Variants in CALCR observed in about 807,000 individuals in gnomAD.
The protein encoded by CALCR is calcitonin receptor.
CALCR carries 47 observed loss-of-function variants against 59.5 expected under a neutral mutation model. That is an observed-to-expected ratio of 0.79 (90% CI 0.63 to 1.01). The LOEUF is 1.01. CALCR is among the 50% of genes least tolerant of loss of function. The probability of loss-of-function intolerance (pLI) is 0.00; values close to 1 mark genes in which losing one functional copy is unlikely to be tolerated. For synonymous variants in CALCR, 213 were observed against 211.3 expected, an observed-to-expected ratio of 1.01 and a Z score of -0.07; for missense variants, 566 against 597.1, an observed-to-expected ratio of 0.95 and a Z score of 0.54.
chr7:93,528,017 G>T (rs917055820), intron 2 of CALCR, among the ~76,000 whole-genome samples: 1 of 152,150 alleles, frequency 6.6e-6, no homozygotes, highest in African/African-American at 2.4e-5. Flanking sequence ...CAGAATATAA[G>T]ATATCATTAT....
chr7:93,442,114 G>A (rs993919975), intron 9 of CALCR, among the ~76,000 whole-genome samples: 6 of 151,306 alleles, frequency 4.0e-5, no homozygotes, highest in Admixed American at 6.6e-5. Flanking sequence ...AAACAGATAT[G>A]CAAGGAAAAA....
rs192512130 is a variant in CALCR at position 93,522,042 on chromosome 7, C to T, written c.-26-35035G>A. 4.6e-3 allele frequency among the ~76,000 whole-genome samples: 698 copies of T among 152,150 alleles called. 2 individuals are homozygous for T. The highest frequency in any genetic ancestry group is 7.1e-3 in the Non-Finnish European group (486 of 67,984). ...TTGAACAATAGTTCAAAGATAACTT[C>T]CATAATTATAAGTATGTAAATGAAA... On this transcript the variant is annotated intron_variant, in intron 2 of 13. Coordinates refer to ENST00000426151, the MANE Select transcript of CALCR (RefSeq NM_001742.4).
Position 93,434,294 on chromosome 7 carries a change from C to T in CALCR, c.1150G>A (p.Gly384Ser). The T allele has an allele frequency of 6.2e-7, 1 of 1,607,442 alleles. No homozygotes were observed. ...CAGTAGATGGTCGCAACAAAGAAGCCCTAAAAAGGGAAGGAAAAATACAGT... is the reference window on the plus strand; with the variant it reads ...CAGTAGATGGTCGCAACAAAGAAGCTCTAAAAAGGGAAGGAAAAATACAGT... ...YVMHSLIHFQ[G>S]FFVATIYCFC... is the part of the protein sequence containing the mutation. Residue 384 changes from glycine to serine, a missense_variant and splice_region_variant, in exon 13 of 14, where the codon GGC (glycine) becomes AGC (serine). Coordinates refer to ENST00000426151, the MANE Select transcript of CALCR (RefSeq NM_001742.4).
At chr7:93,486,332 A>G (rs1029540175) in intron 3 of CALCR, among the ~76,000 whole-genome samples, 1 of 151,660 alleles carries the variant, frequency 6.6e-6, no homozygotes, top group Non-Finnish European at 1.5e-5. Flanking sequence ...TACTTGCTAA[A>G]TCTTTTAGGA....
intron 2 of CALCR, among the ~76,000 whole-genome samples, chr7:93,510,200 A>G (rs888228210): frequency 1.3e-5 from 2 of 152,166 alleles, no homozygotes; most frequent in Admixed American, 1.3e-4. Context: ...TAAAACTATG[A>G]CTTCTCCTAA....
At chr7:93,454,006 T>C (rs897335080) in intron 8 of CALCR, among the ~76,000 whole-genome samples, 7 of 152,066 alleles carry the variant, frequency 4.6e-5, no homozygotes, top group Non-Finnish European at 1.0e-4. Flanking sequence ...GTCCTTCAAA[T>C]GCATCATACA....
chr7:93,448,924 A>G (rs1021112994), intron 8 of CALCR, among the ~76,000 whole-genome samples: 2 of 152,014 alleles, frequency 1.3e-5, no homozygotes, highest in Non-Finnish European at 2.9e-5. Flanking sequence ...CCTGAAGAGT[A>G]TCTTCTCTGT....
chr7:93,452,226 G>C (rs960185800), intron 8 of CALCR, among the ~76,000 whole-genome samples: 1 of 151,988 alleles, frequency 6.6e-6, no homozygotes, highest in Admixed American at 6.6e-5. Flanking sequence ...TTCAGAGAGA[G>C]TCTCCTCAGT....
chr7:93,540,606 T>A (rs983078260), intron 2 of CALCR, among the ~76,000 whole-genome samples: 2 of 151,622 alleles, frequency 1.3e-5, no homozygotes, highest in African/African-American at 4.8e-5. Flanking sequence ...TCCTTTTAAA[T>A]AATTTGTATT....
At chr7:93,433,407 G>A (rs1325550979) in intron 13 of CALCR, among the ~76,000 whole-genome samples, 2 of 152,172 alleles carry the variant, frequency 1.3e-5, no homozygotes, top group Non-Finnish European at 2.9e-5. Context: ...CATAGCTCCA[G>A]GAAGGAATTA....
intron 7 of CALCR, among the ~76,000 whole-genome samples, chr7:93,467,879 G>A (rs1449973565): frequency 6.6e-6 from 1 of 151,154 alleles, no homozygotes; most frequent in Admixed American, 6.6e-5. Flanking sequence ...CACCTTACAT[G>A]TATTATTTCA....
intron 2 of CALCR, among the ~76,000 whole-genome samples, chr7:93,524,472 GT>G (rs1221701826): frequency 6.6e-6 from 1 of 151,862 alleles, no homozygotes; most frequent in Non-Finnish European, 1.5e-5. Flanking sequence ...GCCCAGCCTG[GT>G]TTTTTTAAAA....
intron 2 of CALCR, among the ~76,000 whole-genome samples, chr7:93,494,162 C>A (rs1801146489): frequency 6.6e-6 from 1 of 151,314 alleles, no homozygotes; most frequent in African/African-American, 2.4e-5. Context: ...GGCGAGAAAC[C>A]AGCTTCTTTA....
chr7:93,436,317 C>G, intron 11 of CALCR, 147 bp from the exon 12 acceptor site: 1 of 655,804 alleles, frequency 1.5e-6, no homozygotes, highest in Non-Finnish European at 2.6e-6. Flanking sequence ...GCACAATTGG[C>G]TCAGCATTTC....
chr7:93,518,864 T>C (rs534224837), intron 2 of CALCR, among the ~76,000 whole-genome samples: 38 of 150,682 alleles, frequency 2.5e-4, no homozygotes, highest in African/African-American at 8.2e-4. Flanking sequence ...TAAACATACA[T>C]TTACATTTAC....
intron 3 of CALCR, among the ~76,000 whole-genome samples, chr7:93,480,414 C>G (rs887981627): frequency 2.0e-5 from 3 of 151,768 alleles, no homozygotes; most frequent in Admixed American, 2.0e-4. Context: ...CTAAAAACAT[C>G]AGCCTGCACT....
In CALCR at chr7:93,426,270, TGGGA is replaced by T; in HGVS notation, c.*82_*85del. On this transcript the variant is annotated 3_prime_UTR_variant, in exon 14 of 14. Transcript: ENST00000426151. ...CTTCACAAATGATATGTTCGGTTCCTGGGAGGATGGAGAATACTTTAAATGCATG... is the reference window on the plus strand; with the variant it reads ...CTTCACAAATGATATGTTCGGTTCCTGGATGGAGAATACTTTAAATGCATG... The T allele has an allele frequency of 1.3e-6, 1 of 778,912 alleles. No individual in the cohort carries two copies. The highest frequency in any genetic ancestry group is 2.3e-6 in the Non-Finnish European group (1 of 438,636). 48.3% of individuals were successfully genotyped at this position (778,912 alleles called of 1,614,324 possible). A position where few individuals can be genotyped will look rare whatever the true frequency, so the allele number is the denominator to read the frequency against.
intron 8 of CALCR, among the ~76,000 whole-genome samples, chr7:93,447,123 G>A (rs778300787): frequency 5.3e-5 from 8 of 151,818 alleles, no homozygotes; most frequent in African/African-American, 1.5e-4. Context: ...ACTTTCAAGC[G>A]GAAGGGATCC....
intron 2 of CALCR, among the ~76,000 whole-genome samples, chr7:93,547,965 C>T (rs1356694098): frequency 6.6e-6 from 1 of 152,312 alleles, no homozygotes; most frequent in South Asian, 2.1e-4. Context: ...TGCTTCAGAA[C>T]ATTGCTTCCC....
Sources: gnomAD v4.1 joint callset for allele counts (sites outside exome capture counted in the v4.1 genomes callset) on GRCh38, gnomAD v4.1.1 for gene constraint, MANE v1.5 for transcripts, NCBI Gene and HGNC (gene_info 2026-07-23, HGNC 2026-07-21) for gene names.